The following MEF2C variants were observed in gnomAD, a reference collection of about 807,000 sequenced individuals.
The protein encoded by MEF2C is myocyte enhancer factor 2C.
In MEF2C, 6 loss-of-function variants were observed where a neutral mutation model predicts 50.5. That is an observed-to-expected ratio of 0.12 (90% CI 0.07 to 0.23). The LOEUF is 0.23. Among genes scored for constraint, MEF2C ranks in the 10% least tolerant of loss-of-function variants. The pLI is 1.00. For synonymous variants in MEF2C, 183 were observed against 228.0 expected, an observed-to-expected ratio of 0.80 and a Z score of 1.78; for missense variants, 276 against 605.0, an observed-to-expected ratio of 0.46 and a Z score of 5.70.
intron 3 of MEF2C, among the ~76,000 whole-genome samples, chr5:88,777,446 C>A (rs1041536917): frequency 6.6e-6 from 1 of 152,114 alleles, no homozygotes; most frequent in Admixed American, 6.6e-5. Context: ...CAAGAACTTG[C>A]TGAAGTTTAC....
chr5:88,831,798 T>TA (rs1813180152), intron 1 of MEF2C, among the ~76,000 whole-genome samples: 1 of 152,130 alleles, frequency 6.6e-6, no homozygotes, highest in South Asian at 2.1e-4. Flanking sequence ...TACAGCATCC[T>TA]AATCAACCTA....
At position 88,722,911 on chromosome 5, in the gene MEF2C, G is replaced by A; in HGVS notation, c.1115C>T (p.Thr372Ile). The change falls in exon 11 of 11, where the codon ACT (threonine) becomes ATT (isoleucine). Residue 372 changes from threonine (T) to isoleucine (I), a missense_variant. Transcript: ENST00000504921. Reference sequence around the variant, plus strand: ...GAGATTTGAACTCTGAGATAAATGAGTGCTAGTGCAAGCTCTGTAGGAGGA... The same window carrying A: ...GAGATTTGAACTCTGAGATAAATGAATGCTAGTGCAAGCTCTGTAGGAGGA... ...ALSQLGACTSTHLSQSSNLSL... is the reference protein window; with the variant it reads ...ALSQLGACTSIHLSQSSNLSL... 6.2e-7 allele frequency: 1 copy of A among 1,605,546 alleles called. No individual in the cohort carries two copies. The highest frequency in any genetic ancestry group is 8.5e-7 in the Non-Finnish European group (1 of 1,174,112).
intron 3 of MEF2C, chr5:88,768,645 T>C (rs589544): frequency 0.55 from 538,936 of 974,770 alleles, 152,190 homozygotes; most frequent in East Asian, 0.59. Flanking sequence ...ATTTGCAGCA[T>C]TCATGACAAA....
chr5:88,854,096 T>C (rs538020937), intron 1 of MEF2C, among the ~76,000 whole-genome samples: 15 of 152,326 alleles, frequency 9.8e-5, no homozygotes, highest in African/African-American at 2.6e-4. Flanking sequence ...TTAAAGACCA[T>C]TGAGAGCAGC....
chr5:88,798,988 G>C (rs1797156250), intron 3 of MEF2C, among the ~76,000 whole-genome samples: 1 of 152,202 alleles, frequency 6.6e-6, no homozygotes, highest in South Asian at 2.1e-4. Flanking sequence ...GAACAGCAAA[G>C]ATTGCTGCCT....
intron 6 of MEF2C, chr5:88,743,061 C>A (rs1168807895): frequency 3.1e-6 from 3 of 974,188 alleles, no homozygotes; most frequent in Non-Finnish European, 3.7e-6. Flanking sequence ...CAGAACAATT[C>A]AAACTAATGG....
At chr5:88,886,682 C>T (rs1160340041), upstream of MEF2C, among the ~76,000 whole-genome samples, 1 of 152,098 alleles carries the variant, frequency 6.6e-6, no homozygotes. Flanking sequence ...TTTTTCTAAT[C>T]ACCAAATATT....
At chr5:88,811,271 T>C (rs1246350132) in intron 2 of MEF2C, among the ~76,000 whole-genome samples, 1 of 152,128 alleles carries the variant, frequency 6.6e-6, no homozygotes, top group African/African-American at 2.4e-5. Flanking sequence ...CTAAACATTT[T>C]CTAAGGTCTG....
In MEF2C at chr5:88,717,200, A is replaced by C. The variant is rs1755083772; in HGVS notation, c.*5404T>G. Reference sequence around the variant, plus strand: ...ACTAAACGAAACACAAGCTAGGGCCATATGTGACTGCAGGGGTCACATGCC... The same window carrying C: ...ACTAAACGAAACACAAGCTAGGGCCCTATGTGACTGCAGGGGTCACATGCC... On this transcript the variant is annotated 3_prime_UTR_variant, in exon 11 of 11. Coordinates refer to ENST00000504921, the MANE Select transcript of MEF2C (RefSeq NM_002397.5). 1 of 152,220 alleles carries C rather than the reference A, an allele frequency of 6.6e-6. No homozygotes were observed. Among genetic ancestry groups the C allele is most frequent in the Non-Finnish European group, 1.5e-5 (1 of 68,030 alleles). 9.4% of individuals were successfully genotyped at this position (152,220 alleles called of 1,614,324 possible).
chr5:88,729,757 G>C (rs1352377371), intron 8 of MEF2C, among the ~76,000 whole-genome samples: 1 of 151,900 alleles, frequency 6.6e-6, no homozygotes, highest in Non-Finnish European at 1.5e-5. Context: ...AAATGAGTAG[G>C]GGCTCATGTT....
intron 2 of MEF2C, among the ~76,000 whole-genome samples, chr5:88,805,668 T>C (rs966271567): frequency 2.0e-5 from 3 of 152,106 alleles, no homozygotes; most frequent in African/African-American, 7.2e-5. Context: ...CCTGATGAGC[T>C]GCCTACAACA....
intron 1 of MEF2C, chr5:88,889,396 C>CT (rs1284210562): frequency 1.9e-5 from 3 of 154,088 alleles, no homozygotes; most frequent in Non-Finnish European, 4.3e-5. Flanking sequence ...CCTTCCCCCC[C>CT]CCCTTTTCTC....
intron 1 of MEF2C, among the ~76,000 whole-genome samples, chr5:88,851,395 TG>T (rs1281771189): frequency 6.6e-6 from 1 of 152,112 alleles, no homozygotes; most frequent in Non-Finnish European, 1.5e-5. Flanking sequence ...TTCAACTGCA[TG>T]GGGGGTCAGT....
At chr5:88,849,443 G>A (rs1181583636) in intron 1 of MEF2C, among the ~76,000 whole-genome samples, 1 of 152,000 alleles carries the variant, frequency 6.6e-6, no homozygotes, top group East Asian at 1.9e-4. Context: ...TATATACAGA[G>A]AATGAGTGTG....
At chr5:88,729,812 C>A (rs1760657861) in intron 8 of MEF2C, among the ~76,000 whole-genome samples, 1 of 152,026 alleles carries the variant, frequency 6.6e-6, no homozygotes, top group South Asian at 2.1e-4. Context: ...TGTTCAGATT[C>A]TTCTAAACTT....
At chr5:88,789,797 T>C (rs937353915) in intron 3 of MEF2C, among the ~76,000 whole-genome samples, 6 of 152,158 alleles carry the variant, frequency 3.9e-5, no homozygotes, top group African/African-American at 1.4e-4. Flanking sequence ...CAAATAGCTA[T>C]AAAATGGGGT....
chr5:88,743,227 A>T (rs1472503509), intron 6 of MEF2C: 1 of 983,068 alleles, frequency 1.0e-6, no homozygotes, highest in East Asian at 1.1e-4. Flanking sequence ...TTTCTTGAAT[A>T]TTGCAATCTT....
At chr5:88,725,771 T>C (rs1479843367) in intron 10 of MEF2C, among the ~76,000 whole-genome samples, 1 of 152,164 alleles carries the variant, frequency 6.6e-6, no homozygotes, top group East Asian at 1.9e-4. Flanking sequence ...CAAACTATAT[T>C]TAACCTAACC....
chr5:88,732,391 T>A (rs1254116454), intron 6 of MEF2C: 1 of 153,640 alleles, frequency 6.5e-6, no homozygotes, highest in Non-Finnish European at 1.4e-5. Context: ...GGGAAGCCGC[T>A]TACACATTTT....
Sources: allele counts gnomAD v4.1 joint callset (sites outside exome capture counted in the v4.1 genomes callset), GRCh38; gene constraint gnomAD v4.1.1; transcripts MANE v1.5; gene names NCBI Gene and HGNC (gene_info 2026-07-23, HGNC 2026-07-21).